The following DERA variants were observed in gnomAD, a reference collection of about 807,000 sequenced individuals.
DERA encodes the protein 2-deoxy-D-ribose 5-phosphate aldolase.
In DERA, 15 loss-of-function variants were observed where a neutral mutation model predicts 41.1. The observed-to-expected ratio is 0.37, with a 90% CI of 0.24 to 0.56. The LOEUF (loss-of-function observed/expected upper bound fraction) is 0.56, where lower values mean the gene tolerates loss of function less well. DERA is among the 20% of genes least tolerant of loss of function. The pLI is 0.81. For synonymous variants in DERA, 139 were observed against 137.4 expected (o/e 1.01, Z -0.08); for missense variants, 396 against 403.4 (o/e 0.98, Z 0.16).
At chr12:15,942,994 T>C (rs923653861) in intron 1 of DERA, among the ~76,000 whole-genome samples, 4 of 152,168 alleles carry the variant, frequency 2.6e-5, no homozygotes, top group African/African-American at 7.2e-5. Context: ...TTGGACCATA[T>C]TGGGAAGAGC....
chr12:16,004,222 T>G lies in DERA; in HGVS notation c.637+21786T>G, dbSNP rs1948894487. ...TTATCTTTGTAGTCAAATAGCAATT[T>G]CATATATGCAGATAATTTGAATCTG... On this transcript the variant is annotated intron_variant, in intron 6 of 8. Coordinates refer to ENST00000428559, the MANE Select transcript of DERA (RefSeq NM_015954.4). This position sits in a 1 kb window ranked among gnomAD's most constrained non-coding sequence, Gnocchi z 4.2. Among the ~76,000 whole-genome samples, 1 of 152,226 alleles carries G rather than the reference T, an allele frequency of 6.6e-6. No individual in the cohort carries two copies. Among genetic ancestry groups the G allele is most frequent in the South Asian group, 2.1e-4 (1 of 4,834 alleles).
chr12:15,916,446 CT>C (rs869154253), intron 1 of DERA: 9,532 of 122,274 alleles, frequency 0.078, 928 homozygotes, highest in African/African-American at 0.26. Context: ...AATACTGTTT[CT>C]TTTTTTTTTT....
intron 1 of DERA, among the ~76,000 whole-genome samples, chr12:15,952,468 G>A (rs1215961987): frequency 6.6e-6 from 1 of 151,974 alleles, no homozygotes; most frequent in African/African-American, 2.4e-5. Flanking sequence ...CTAGACTAGA[G>A]CCTAGAGCCA....
rs1948407010 is a variant in DERA at position 15,941,294 on chromosome 12, G to C, written c.32-15642G>C. On this transcript the variant is annotated intron_variant, in intron 1 of 8. Coordinates refer to ENST00000428559, the MANE Select transcript of DERA (RefSeq NM_015954.4). The surrounding 1 kb of genome is among the most constrained non-coding windows in gnomAD (Gnocchi z 4.5). ...GCTCAACTAGCTGCTATAGCAAATG[G>C]GTATAACAGAGACACAACAGTGTTG... Among the ~76,000 whole-genome samples the C allele has an allele frequency of 6.6e-6, 1 of 152,092 alleles. No individual in the cohort carries two copies. Among genetic ancestry groups the C allele is most frequent in the African/African-American group, 2.4e-5 (1 of 41,416 alleles).
chr12:15,971,693 T>A (rs1592027056), intron 5 of DERA, among the ~76,000 whole-genome samples: 1 of 152,106 alleles, frequency 6.6e-6, no homozygotes, highest in East Asian at 1.9e-4. Context: ...ATTTTTTGTA[T>A]TTTTAATAGA....
chr12:16,024,131 C>T (rs888135687), intron 6 of DERA, among the ~76,000 whole-genome samples: 7 of 152,216 alleles, frequency 4.6e-5, no homozygotes, highest in African/African-American at 1.4e-4. Context: ...GAAAAACCCC[C>T]ACAGAACAGA....
At chr12:16,034,114 C>T (rs1949111644) in intron 7 of DERA, among the ~76,000 whole-genome samples, 1 of 152,184 alleles carries the variant, frequency 6.6e-6, no homozygotes, top group African/African-American at 2.4e-5. Context: ...GCCTGGGCCC[C>T]CATCCCTGGT....
In DERA at chr12:16,037,063, A is replaced by C; in HGVS notation, c.*317A>C. Reference sequence around the variant, plus strand: ...AAATTCTAAGGGAGAAAAAAACAATATTAAACCGCCCAAGCAGTGTGCCCT... The same window carrying C: ...AAATTCTAAGGGAGAAAAAAACAATCTTAAACCGCCCAAGCAGTGTGCCCT... On this transcript the variant is annotated 3_prime_UTR_variant, in exon 9 of 9. Coordinates refer to ENST00000428559, the MANE Select transcript of DERA (RefSeq NM_015954.4). This position sits in a 1 kb window ranked among gnomAD's most constrained non-coding sequence, Gnocchi z 6.7. 1 of 266,952 alleles carries C rather than the reference A, an allele frequency of 3.7e-6. No homozygotes were observed. The highest frequency in any genetic ancestry group is 7.0e-6 in the Non-Finnish European group (1 of 143,092). The allele number at this position is 266,952 out of a possible 1,614,324, so 16.5% of individuals were successfully genotyped here.
At position 15,954,730 on chromosome 12, in the gene DERA, T is replaced by C. The variant is rs772485619; in HGVS notation, c.32-2206T>C. On this transcript the variant is annotated intron_variant, in intron 1 of 8. Coordinates refer to ENST00000428559, the MANE Select transcript of DERA (RefSeq NM_015954.4). This position sits in a 1 kb window ranked among gnomAD's most constrained non-coding sequence, Gnocchi z 4.0. Reference sequence around the variant, plus strand: ...TTTGCCTGAGACCCCTCTCCAACAGTGGTGCCAGTGTTTCCAGTGGCGACA... The same window carrying C: ...TTTGCCTGAGACCCCTCTCCAACAGCGGTGCCAGTGTTTCCAGTGGCGACA... Among the ~76,000 whole-genome samples, 4 of 152,116 alleles carry C rather than the reference T, an allele frequency of 2.6e-5. No individual in the cohort carries two copies. The highest frequency in any genetic ancestry group is 5.9e-5 in the Non-Finnish European group (4 of 68,020).
At position 15,946,123 on chromosome 12, in the gene DERA, G is replaced by T. The variant is rs181207157; in HGVS notation, c.32-10813G>T. 3.4e-4 allele frequency among the ~76,000 whole-genome samples: 51 copies of T among 152,200 alleles called. 1 individual carries two copies. In the East Asian group the frequency reaches 9.3e-3, roughly 28 times the overall value. On this transcript the variant is annotated intron_variant, in intron 1 of 8. Transcript: ENST00000428559. ...AGCTTTTTGATGTGCTGCTGGATTCGGTTTGCCAGTATTTTATTGAGGATT... is the reference window on the plus strand; with the variant it reads ...AGCTTTTTGATGTGCTGCTGGATTCTGTTTGCCAGTATTTTATTGAGGATT...
rs1490243818 is a variant in DERA at position 15,996,223 on chromosome 12, A to G, written c.637+13787A>G. On this transcript the variant is annotated intron_variant, in intron 6 of 8. Coordinates refer to ENST00000428559, the MANE Select transcript of DERA (RefSeq NM_015954.4). This position sits in a 1 kb window ranked among gnomAD's most constrained non-coding sequence, Gnocchi z 4.7. Reference sequence around the variant, plus strand: ...AAGAGTAGATTACAATCCAGTATACACAGGGCCCCAAAATATAGAAAACAT... The same window carrying G: ...AAGAGTAGATTACAATCCAGTATACGCAGGGCCCCAAAATATAGAAAACAT... Among the ~76,000 whole-genome samples, 1 of 151,926 alleles carries G rather than the reference A, an allele frequency of 6.6e-6. No individual in the cohort carries two copies. The highest frequency in any genetic ancestry group is 1.5e-5 in the Non-Finnish European group (1 of 67,980).
chr12:15,920,391 C>G (rs1022075338), intron 1 of DERA, among the ~76,000 whole-genome samples: 2 of 152,276 alleles, frequency 1.3e-5, no homozygotes, highest in South Asian at 2.1e-4. Flanking sequence ...AATTCAGGCT[C>G]TGTCTATGCT....
chr12:15,930,559 C>G (rs1395845179), intron 1 of DERA, among the ~76,000 whole-genome samples: 1 of 152,092 alleles, frequency 6.6e-6, no homozygotes, highest in African/African-American at 2.4e-5. Context: ...GACAAGTGTT[C>G]ATACACTATT....
At position 15,918,146 on chromosome 12, in the gene DERA, C is replaced by T. The variant is rs370494061; in HGVS notation, c.31+6732C>T. Among the ~76,000 whole-genome samples the T allele has an allele frequency of 6.6e-6, 1 of 152,190 alleles. No individual in the cohort carries two copies. Among genetic ancestry groups the T allele is most frequent in the East Asian group, 1.9e-4 (1 of 5,174 alleles). ...CCCAGCAGATGTTCTTCTCACTGTT[C>T]TCAGGCTCTGACCCCTGAGCTGGGC... On this transcript the variant is annotated intron_variant, in intron 1 of 8. Transcript: ENST00000428559. This position sits in a 1 kb window ranked among gnomAD's most constrained non-coding sequence, Gnocchi z 4.3.
At position 15,943,114 on chromosome 12, in the gene DERA, C is replaced by A. The variant is rs1366199831; in HGVS notation, c.32-13822C>A. On this transcript the variant is annotated intron_variant, in intron 1 of 8. Transcript: ENST00000428559. The surrounding 1 kb of genome is among the most constrained non-coding windows in gnomAD (Gnocchi z 4.5). Reference sequence around the variant, plus strand: ...ATCTGTAAACTCTTCCACACACTTACCTGAGGCTGTTTATGGGTAGTGAGC... The same window carrying A: ...ATCTGTAAACTCTTCCACACACTTAACTGAGGCTGTTTATGGGTAGTGAGC... 6.6e-6 allele frequency among the ~76,000 whole-genome samples: 1 copy of A among 152,202 alleles called. No individual in the cohort carries two copies. The highest frequency in any genetic ancestry group is 6.5e-5 in the Admixed American group (1 of 15,286).
In DERA at chr12:15,913,467, A is replaced by C. The variant is rs1948178283; in HGVS notation, c.31+2053A>C. The stretch of plus-strand genomic sequence containing the variant: ...TGATGATTTTTAAAATAGTTTTCTA[A>C]TTGAAAGTCTTTTTAATAAACATCG... On this transcript the variant is annotated intron_variant, in intron 1 of 8. Coordinates refer to ENST00000428559, the MANE Select transcript of DERA (RefSeq NM_015954.4). The surrounding 1 kb of genome is among the most constrained non-coding windows in gnomAD (Gnocchi z 4.5). 6.6e-6 allele frequency among the ~76,000 whole-genome samples: 1 copy of C among 152,252 alleles called. No homozygotes were observed. Among genetic ancestry groups the C allele is most frequent in the African/African-American group, 2.4e-5 (1 of 41,476 alleles).
intron 1 of DERA, among the ~76,000 whole-genome samples, chr12:15,944,285 A>G (rs554503027): frequency 6.8e-4 from 104 of 152,260 alleles, no homozygotes; most frequent in African/African-American, 2.5e-3. Flanking sequence ...CTAGTTCTAG[A>G]TCCTTGAGGA....
chr12:15,958,094 T>G (rs1231607122), intron 2 of DERA, 94 bp from the exon 3 acceptor site: 1 of 1,010,966 alleles, frequency 9.9e-7, no homozygotes, highest in Admixed American at 2.9e-5. Context: ...ACACCCATAC[T>G]TGTCTAATGA....
rs1345508678 is a variant in DERA at position 15,924,508 on chromosome 12, T to C, written c.31+13094T>C. 2.6e-5 allele frequency among the ~76,000 whole-genome samples: 4 copies of C among 152,258 alleles called. No homozygotes were observed. The highest frequency in any genetic ancestry group is 6.5e-5 in the Admixed American group (1 of 15,290). On this transcript the variant is annotated intron_variant, in intron 1 of 8. Coordinates refer to ENST00000428559, the MANE Select transcript of DERA (RefSeq NM_015954.4). This position sits in a 1 kb window ranked among gnomAD's most constrained non-coding sequence, Gnocchi z 5.0. ...AGAAATAACTTGGGTTTTTGAATTA[T>C]AGAGATCTGTGTTTCCATCTTAGCC...
Sources: gnomAD v4.1 joint callset for allele counts (sites outside exome capture counted in the v4.1 genomes callset) on GRCh38, gnomAD v4.1.1 for gene constraint, Gnocchi (gnomAD v3.1) non-coding constraint, MANE v1.5 for transcripts, NCBI Gene and HGNC (gene_info 2026-07-23, HGNC 2026-07-21) for gene names.